The following MAGI2 variants were observed in gnomAD, a reference collection of about 807,000 sequenced individuals.
MAGI2 encodes the protein membrane associated guanylate kinase, WW and PDZ domain containing 2.
Under a neutral mutation model 133.3 loss-of-function variants are expected in MAGI2, and 35 were observed. That is an observed-to-expected ratio of 0.26 (90% CI 0.20 to 0.35). The LOEUF is 0.35. Ranked by LOEUF, MAGI2 falls within the 10% of genes least tolerant of loss-of-function variation. The probability of loss-of-function intolerance (pLI) is 1.00; values close to 1 mark genes in which losing one functional copy is unlikely to be tolerated. For missense variants in MAGI2, 1,636 were observed against 1,863.4 expected, an observed-to-expected ratio of 0.88 and a Z score of 2.25; for synonymous variants, 729 against 710.6, an observed-to-expected ratio of 1.03 and a Z score of -0.41.
Position 78,943,271 on chromosome 7 carries a change from A to T in MAGI2, c.418+63819T>A, listed in dbSNP as rs538048765. Among the ~76,000 whole-genome samples the T allele has an allele frequency of 1.2e-4, 18 of 152,180 alleles. No homozygotes were observed. In the South Asian group the frequency reaches 1.2e-3, roughly 11 times the overall value. On this transcript the variant is annotated intron_variant, in intron 2 of 21. Coordinates refer to ENST00000354212, the MANE Select transcript of MAGI2 (RefSeq NM_012301.4). Reference sequence around the variant, plus strand: ...ACCTGAGTTATTGACCCGATTTTTTAAAAAAATTGGCAAGTAGAAAAAAAT... The same window carrying T: ...ACCTGAGTTATTGACCCGATTTTTTTAAAAAATTGGCAAGTAGAAAAAAAT...
At chr7:78,236,793 A>G (rs978570648) in intron 10 of MAGI2, among the ~76,000 whole-genome samples, 2 of 152,226 alleles carry the variant, frequency 1.3e-5, no homozygotes, top group Non-Finnish European at 1.5e-5. Context: ...TAATAAAGAC[A>G]TACCTGAGAC....
chr7:78,759,706 A>G (rs1364168602), intron 2 of MAGI2, among the ~76,000 whole-genome samples: 1 of 152,256 alleles, frequency 6.6e-6, no homozygotes, highest in African/African-American at 2.4e-5. Context: ...TCATATTGCT[A>G]TAATGAAATA....
chr7:78,928,496 C>T (rs1316647008), intron 2 of MAGI2, among the ~76,000 whole-genome samples: 1 of 151,940 alleles, frequency 6.6e-6, no homozygotes, highest in Non-Finnish European at 1.5e-5. Context: ...AATATTTATA[C>T]ACCCTTTTTA....
intron 2 of MAGI2, among the ~76,000 whole-genome samples, chr7:78,905,236 T>A (rs1029582377): frequency 2.6e-5 from 4 of 152,200 alleles, no homozygotes; most frequent in Admixed American, 6.5e-5. Context: ...AACTCTTTCC[T>A]ACAATGTGTT....
intron 1 of MAGI2, among the ~76,000 whole-genome samples, chr7:79,228,180 G>T (rs1585256465): frequency 6.6e-6 from 1 of 151,030 alleles, no homozygotes; most frequent in Admixed American, 6.6e-5. Context: ...CTCGTCTCTA[G>T]AAAAAAATTA....
chr7:78,436,672 G>A (rs142460074), intron 6 of MAGI2, among the ~76,000 whole-genome samples: 149 of 152,270 alleles, frequency 9.8e-4, no homozygotes, highest in African/African-American at 3.5e-3. Context: ...GGCAGCACAG[G>A]TTGCTGATTA....
At chr7:78,215,682 C>A (rs546019667) in intron 10 of MAGI2, among the ~76,000 whole-genome samples, 1 of 152,232 alleles carries the variant, frequency 6.6e-6, no homozygotes, top group Admixed American at 6.5e-5. Flanking sequence ...AGGAAATCAT[C>A]TTTATTGATT....
chr7:79,011,857 T>G (rs1302205359), intron 1 of MAGI2, among the ~76,000 whole-genome samples: 1 of 151,120 alleles, frequency 6.6e-6, no homozygotes, highest in Non-Finnish European at 1.5e-5. Context: ...CACGTTCTTT[T>G]GGTAGAAGAT....
At chr7:78,888,335 C>T (rs796289197) in intron 2 of MAGI2, among the ~76,000 whole-genome samples, 1 of 152,188 alleles carries the variant, frequency 6.6e-6, no homozygotes, top group African/African-American at 2.4e-5. Context: ...GCAGCAGAAA[C>T]CTCTGCAGAC....
intron 2 of MAGI2, among the ~76,000 whole-genome samples, chr7:78,636,573 C>A (rs1563276010): frequency 6.6e-6 from 1 of 151,912 alleles, no homozygotes; most frequent in South Asian, 2.1e-4. Flanking sequence ...CCGAGGTGGG[C>A]GGATCGAGAG....
At chr7:79,163,185 T>C (rs1024573284) in intron 1 of MAGI2, among the ~76,000 whole-genome samples, 2 of 152,090 alleles carry the variant, frequency 1.3e-5, no homozygotes, top group Non-Finnish European at 2.9e-5. Flanking sequence ...TATTTATGTA[T>C]ATATTTTTTG....
At chr7:78,074,508 A>T (rs534345686) in intron 21 of MAGI2, among the ~76,000 whole-genome samples, 1 of 152,082 alleles carries the variant, frequency 6.6e-6, no homozygotes, top group Non-Finnish European at 1.5e-5. Flanking sequence ...TAAAAAAAAA[A>T]TCGGTTTTCC....
intron 9 of MAGI2, among the ~76,000 whole-genome samples, chr7:78,296,875 C>G (rs1223200720): frequency 6.6e-6 from 1 of 152,214 alleles, no homozygotes; most frequent in Non-Finnish European, 1.5e-5. Flanking sequence ...AAAGGCTCAC[C>G]TGGCAAAGCC....
intron 3 of MAGI2, among the ~76,000 whole-genome samples, chr7:78,622,019 T>C (rs931351873): frequency 6.6e-6 from 1 of 152,042 alleles, no homozygotes; most frequent in Non-Finnish European, 1.5e-5. Flanking sequence ...CAGCTTAAAC[T>C]AGACATTTTA....
At chr7:78,541,022 C>T (rs1798374605) in intron 3 of MAGI2, among the ~76,000 whole-genome samples, 1 of 152,152 alleles carries the variant, frequency 6.6e-6, no homozygotes. Flanking sequence ...TAGTATGTTC[C>T]TGCAGTAGTT....
chr7:79,018,541 A>G (rs192551531), intron 1 of MAGI2, among the ~76,000 whole-genome samples: 1 of 152,304 alleles, frequency 6.6e-6, no homozygotes, highest in African/African-American at 2.4e-5. Context: ...AAATCCACAC[A>G]TATCAACACT....
intron 2 of MAGI2, among the ~76,000 whole-genome samples, chr7:78,885,897 G>A (rs986557428): frequency 6.6e-6 from 1 of 152,012 alleles, no homozygotes; most frequent in Admixed American, 6.6e-5. Context: ...CAGCTCTTTG[G>A]CATCATGGCT....
intron 9 of MAGI2, among the ~76,000 whole-genome samples, chr7:78,257,460 G>C (rs1026714235): frequency 6.6e-6 from 1 of 152,076 alleles, no homozygotes; most frequent in Admixed American, 6.6e-5. Flanking sequence ...TTCAATAAAG[G>C]CACTTGTCCT....
chr7:78,644,688 T>C (rs77409464), intron 2 of MAGI2, among the ~76,000 whole-genome samples: 7,560 of 152,078 alleles, frequency 0.05, 282 homozygotes, highest in East Asian at 0.15. Context: ...ATACTTATAT[T>C]AGAAACGCAG....
Sources: allele counts gnomAD v4.1 joint callset (sites outside exome capture counted in the v4.1 genomes callset), GRCh38; gene constraint gnomAD v4.1.1; transcripts MANE v1.5; gene names NCBI Gene and HGNC (gene_info 2026-07-23, HGNC 2026-07-21).